The following DENND11 variants were observed in gnomAD, a reference collection of about 807,000 sequenced individuals.
DENND11 encodes DENN domain-containing protein 11.
DENND11 carries 34 observed loss-of-function variants against 49.2 expected under a neutral mutation model. The observed-to-expected ratio is 0.69, with a 90% CI of 0.53 to 0.92. The LOEUF (loss-of-function observed/expected upper bound fraction) is 0.92, where lower values mean the gene tolerates loss of function less well. Among genes scored for constraint, DENND11 ranks in the 40% least tolerant of loss-of-function variants. DENND11 has a pLI of 0.00. For synonymous variants in DENND11, 238 were observed against 230.3 expected (o/e 1.03, Z -0.30); for missense variants, 475 against 581.6 (o/e 0.82, Z 1.88).
chr7:141,684,949 A>G (rs1486250775), intron 3 of DENND11, among the ~76,000 whole-genome samples: 3 of 144,584 alleles, frequency 2.1e-5, no homozygotes, highest in Admixed American at 7.2e-5. Flanking sequence ...CTGAGGCAGG[A>G]GGATCACTTG....
chr7:141,675,162 A>G (rs1032975397), intron 3 of DENND11, among the ~76,000 whole-genome samples: 2 of 152,210 alleles, frequency 1.3e-5, no homozygotes, highest in African/African-American at 4.8e-5. Flanking sequence ...ACATAGACAC[A>G]CACATACAGC....
intron 3 of DENND11, among the ~76,000 whole-genome samples, chr7:141,674,702 A>G (rs907194922): frequency 6.6e-6 from 1 of 152,182 alleles, no homozygotes; most frequent in African/African-American, 2.4e-5. Context: ...CAAATGTCTC[A>G]AATAAGGGAA....
Position 141,685,111 on chromosome 7 carries a change from AAG to A in DENND11, c.527+365_527+366del, listed in dbSNP as rs1293188910. On this transcript the variant is annotated intron_variant, in intron 3 of 8. Transcript: ENST00000536163. ...ATCATAGTAAGAATCCCAATAATAA[AAG>A]AAGTAGGCTTTAAGAAAGTTTAGGA... Among the ~76,000 whole-genome samples, 4 of 150,024 alleles carry A rather than the reference AAG, an allele frequency of 2.7e-5. No homozygotes were observed. The East Asian group carries it at 7.8e-4, about 29-fold the overall frequency.
intron 1 of DENND11, among the ~76,000 whole-genome samples, chr7:141,688,223 A>G (rs1161871797): frequency 6.6e-6 from 1 of 152,246 alleles, no homozygotes; most frequent in Non-Finnish European, 1.5e-5. Context: ...GTTTAAAGCA[A>G]AACACTAAGC....
intron 3 of DENND11, among the ~76,000 whole-genome samples, chr7:141,674,799 C>G (rs951241856): frequency 1.3e-5 from 2 of 152,202 alleles, no homozygotes; most frequent in Non-Finnish European, 2.9e-5. Context: ...AATCTCTTCT[C>G]TGCCCGCTCC....
intron 1 of DENND11, among the ~76,000 whole-genome samples, chr7:141,700,766 G>A (rs944033010): frequency 1.3e-5 from 2 of 151,990 alleles, no homozygotes; most frequent in Non-Finnish European, 2.9e-5. Context: ...TCCTACAGCT[G>A]AGAACCCCAA....
At chr7:141,699,269 C>G (rs986587848) in intron 1 of DENND11, among the ~76,000 whole-genome samples, 3 of 152,106 alleles carry the variant, frequency 2.0e-5, no homozygotes, top group Admixed American at 6.5e-5. Context: ...GTCCAGCTCA[C>G]TGTGCCACTA....
rs1303586527 is a variant in DENND11 at position 141,659,067 on chromosome 7, TCTTAA to T, written c.*3584_*3588del. 2 of 152,372 alleles carry T rather than the reference TCTTAA, an allele frequency of 1.3e-5. No homozygotes were observed. The highest frequency in any genetic ancestry group is 2.1e-4 in the South Asian group (1 of 4,838). 9.4% of individuals were successfully genotyped at this position (152,372 alleles called of 1,614,324 possible). On this transcript the variant is annotated 3_prime_UTR_variant, in exon 9 of 9. Coordinates refer to ENST00000536163, the MANE Select transcript of DENND11 (RefSeq NM_001080392.2). Reference sequence around the variant, plus strand: ...TGGAAGCATGTGCACCTGTGTGCTATCTTAACTTTCTTGTCTTGACTTTAAAGTGG... The same window carrying T: ...TGGAAGCATGTGCACCTGTGTGCTATCTTTCTTGTCTTGACTTTAAAGTGG...
chr7:141,665,710 C>T (rs1797884447), intron 5 of DENND11, among the ~76,000 whole-genome samples: 1 of 152,104 alleles, frequency 6.6e-6, no homozygotes, highest in Admixed American at 6.5e-5. Flanking sequence ...CCCCTCCACA[C>T]TTGTACTTTC....
In DENND11 at chr7:141,665,311, G is replaced by T; in HGVS notation, c.828C>A (p.Cys276Ter). 1.2e-6 allele frequency: 2 copies of T among 1,613,926 alleles called. No homozygotes were observed. The highest frequency in any genetic ancestry group is 1.7e-6 in the Non-Finnish European group (2 of 1,179,880). ...PVGVVCYRVY[C>*]CCCLANVSLP... ...GTGAAACGTTGGCCAAGCAGCAGCA[G>T]CAGTACACTGTGGGGATAGAGGAGG... Residue 276 changes from cysteine (C) to a stop codon, truncating the protein, a stop_gained, in exon 6 of 9, where the codon TGC becomes TGA. Coordinates refer to ENST00000536163, the MANE Select transcript of DENND11 (RefSeq NM_001080392.2). LOFTEE classifies it high-confidence loss of function.
At chr7:141,685,007 T>G (rs1472551017) in intron 3 of DENND11, among the ~76,000 whole-genome samples, 3 of 85,610 alleles carry the variant, frequency 3.5e-5, no homozygotes, top group African/African-American at 4.4e-5. Flanking sequence ...AGAGCCTGTC[T>G]CTACCAAAAA....
At position 141,656,842 on chromosome 7, in the gene DENND11, T is replaced by C. The variant is rs2117043891; in HGVS notation, c.*5814A>G. 6.5e-6 allele frequency: 1 copy of C among 153,044 alleles called. No homozygotes were observed. The highest frequency in any genetic ancestry group is 2.1e-4 in the South Asian group (1 of 4,828). 9.5% of individuals were successfully genotyped at this position (153,044 alleles called of 1,614,324 possible). A position where few individuals can be genotyped will look rare whatever the true frequency, so the allele number is the denominator to read the frequency against. On this transcript the variant is annotated 3_prime_UTR_variant, in exon 9 of 9. Coordinates refer to ENST00000536163, the MANE Select transcript of DENND11 (RefSeq NM_001080392.2). ...TATACAGATATGATATTCATAGATG[T>C]TATTTGTACCACAGAACAAAATCAA...
At chr7:141,667,221 C>T (rs1227989431) in intron 4 of DENND11, among the ~76,000 whole-genome samples, 2 of 152,068 alleles carry the variant, frequency 1.3e-5, no homozygotes, top group Non-Finnish European at 1.5e-5. Flanking sequence ...ACGACTGGCC[C>T]CACTCTTCCT....
At chr7:141,701,063 C>A (rs982919781) in intron 1 of DENND11, among the ~76,000 whole-genome samples, 12 of 152,062 alleles carry the variant, frequency 7.9e-5, no homozygotes, top group Non-Finnish European at 1.8e-4. Flanking sequence ...CCCTCCAAGG[C>A]TTCCTGGGCG....
At chr7:141,693,274 C>T (rs1798354432) in intron 1 of DENND11, among the ~76,000 whole-genome samples, 1 of 152,162 alleles carries the variant, frequency 6.6e-6, no homozygotes. Context: ...TTCATATGCT[C>T]ATTACGCAAT....
At chr7:141,671,548 C>G (rs1042898912) in intron 4 of DENND11, among the ~76,000 whole-genome samples, 1 of 152,154 alleles carries the variant, frequency 6.6e-6, no homozygotes, top group Non-Finnish European at 1.5e-5. Context: ...GTATCTGCAA[C>G]CATAACGGTA....
intron 1 of DENND11, chr7:141,701,675 C>G (rs1326630601): frequency 4.0e-5 from 12 of 303,740 alleles, no homozygotes; most frequent in African/African-American, 2.4e-4. Flanking sequence ...TCCGAGAGGC[C>G]GCGCGCCAGC....
At chr7:141,698,218 C>T (rs62486728) in intron 1 of DENND11, among the ~76,000 whole-genome samples, 8,822 of 152,330 alleles carry the variant, frequency 0.058, 360 homozygotes, top group Middle Eastern at 0.11. Flanking sequence ...CCGCTCTTGC[C>T]ACCATCTGGG....
chr7:141,699,918 A>T (rs950264568), intron 1 of DENND11, among the ~76,000 whole-genome samples: 25 of 144,488 alleles, frequency 1.7e-4, no homozygotes, highest in Non-Finnish European at 2.6e-4. Context: ...ACCATCACTC[A>T]CACACACACA....
Sources: gnomAD v4.1 joint callset for allele counts (sites outside exome capture counted in the v4.1 genomes callset) on GRCh38, gnomAD v4.1.1 for gene constraint, MANE v1.5 for transcripts, NCBI Gene and HGNC (gene_info 2026-07-23, HGNC 2026-07-21) for gene names.